The following SPATA7 variants were observed in gnomAD, a reference collection of about 807,000 sequenced individuals.
SPATA7 encodes the protein spermatogenesis associated 7, also known as spermatogenesis-associated protein 7.
A neutral mutation model predicts 51.8 loss-of-function variants in SPATA7; 43 were observed. That is an observed-to-expected ratio of 0.83 (90% confidence interval 0.65 to 1.07). SPATA7 has a LOEUF of 1.07. Among genes scored for constraint, SPATA7 ranks in the 50% least tolerant of loss-of-function variants. SPATA7 has a pLI of 0.00. For missense variants in SPATA7, 683 were observed against 701.3 expected, an observed-to-expected ratio of 0.97 and a Z score of 0.30; for synonymous variants, 230 against 252.8, an observed-to-expected ratio of 0.91 and a Z score of 0.86.
downstream of SPATA7, among the ~76,000 whole-genome samples, chr14:88,455,800 A>G (rs1461958017): frequency 2.6e-5 from 4 of 152,026 alleles, no homozygotes; most frequent in Non-Finnish European, 5.9e-5. Context: ...ATATGTATAC[A>G]CGTGCCGTGT....
At chr14:88,391,594 A>G (rs1450688682) in intron 2 of SPATA7, 139 bp downstream of exon 2, 3 of 764,780 alleles carry the variant, frequency 3.9e-6, no homozygotes, top group South Asian at 1.5e-5. Flanking sequence ...TTAATGAAAT[A>G]TAGGCGTTCT....
intron 4 of SPATA7, among the ~76,000 whole-genome samples, chr14:88,405,757 C>T (rs1199060138): frequency 2.0e-5 from 3 of 152,174 alleles, no homozygotes; most frequent in East Asian, 1.9e-4. Flanking sequence ...TATTACATAG[C>T]CAGTTGGCAA....
At chr14:88,429,102 G>C (rs1233080670) in intron 7 of SPATA7, 1 of 280,360 alleles carries the variant, frequency 3.6e-6, no homozygotes, top group Admixed American at 4.7e-5. Flanking sequence ...ATGTTTATTT[G>C]TGGCAATTTC....
At chr14:88,416,227 A>G in intron 4 of SPATA7, 1 of 158,350 alleles carries the variant, frequency 6.3e-6, no homozygotes, top group East Asian at 1.9e-4. Context: ...AAATTCCTTT[A>G]GCGTTTGCTT....
At position 88,469,509 on chromosome 14, in the gene SPATA7, C is replaced by T. The variant is rs1266469537; in HGVS notation, c.255-338C>T. The T allele has an allele frequency of 3.1e-6, 5 of 1,613,000 alleles. No individual in the cohort carries two copies. Among genetic ancestry groups the T allele is most frequent in the Non-Finnish European group, 4.2e-6 (5 of 1,178,980 alleles). On this transcript the variant is annotated intron_variant, in intron 4 of 4. Coordinates refer to the SPATA7 transcript ENST00000556406. This position sits in a 1 kb window ranked among gnomAD's most constrained non-coding sequence, Gnocchi z 4.3. Reference sequence around the variant, plus strand: ...GTTAAAGTCACTCACATAAAAATCCCTTGAGGTCTTCTGGACAGCCATGTT... The same window carrying T: ...GTTAAAGTCACTCACATAAAAATCCTTTGAGGTCTTCTGGACAGCCATGTT...
intron 4 of SPATA7, chr14:88,468,996 C>T: frequency 6.2e-7 from 1 of 1,614,166 alleles, no homozygotes; most frequent in East Asian, 2.2e-5. Context: ...CTGCAGTGGA[C>T]CAACAACGGA....
At chr14:88,424,955 A>G (rs143966512) in intron 5 of SPATA7, among the ~76,000 whole-genome samples, 1 of 152,300 alleles carries the variant, frequency 6.6e-6, no homozygotes, top group African/African-American at 2.4e-5. Flanking sequence ...GTTCCCAGAA[A>G]AAGAGTTAAA....
At position 88,401,312 on chromosome 14, in the gene SPATA7, ACT is replaced by A. The variant is rs776389243; in HGVS notation, c.238+5115_238+5116del. Among the ~76,000 whole-genome samples, 5 of 152,300 alleles carry A rather than the reference ACT, an allele frequency of 3.3e-5. No homozygotes were observed. In the East Asian group the frequency reaches 5.8e-4, roughly 18 times the overall value. On this transcript the variant is annotated intron_variant, in intron 4 of 11. Transcript: ENST00000393545. ...AAAATTCAGCATCCATTCATGATAA[ACT>A]CTCTCAACAAAATAGGAATAGAAGG... is the stretch of plus-strand genomic sequence containing the variant.
chr14:88,430,351 T>G (rs1054860920), intron 8 of SPATA7, among the ~76,000 whole-genome samples: 2 of 152,162 alleles, frequency 1.3e-5, no homozygotes, highest in African/African-American at 4.8e-5. Flanking sequence ...ATATAACTTA[T>G]TATTTATTAA....
chr14:88,420,841 T>C (rs545376591), intron 5 of SPATA7, among the ~76,000 whole-genome samples: 13 of 152,162 alleles, frequency 8.5e-5, no homozygotes, highest in African/African-American at 3.1e-4. Flanking sequence ...ACAGGCTGGG[T>C]GTGGTGGCCC....
At chr14:88,391,958 G>A (rs995082668) in intron 2 of SPATA7, among the ~76,000 whole-genome samples, 4 of 152,034 alleles carry the variant, frequency 2.6e-5, no homozygotes, top group African/African-American at 9.7e-5. Context: ...ATAAATTTTT[G>A]TAATTATACC....
At chr14:88,406,996 T>C (rs2076217514) in intron 4 of SPATA7, among the ~76,000 whole-genome samples, 1 of 152,234 alleles carries the variant, frequency 6.6e-6, no homozygotes, top group Admixed American at 6.5e-5. Flanking sequence ...ATTTTCTTTA[T>C]CCAGAAAGAA....
chr14:88,470,319 C>A, exon 5 of SPATA7: 1 of 436,392 alleles, frequency 2.3e-6, no homozygotes, highest in East Asian at 4.7e-5. Flanking sequence ...TGTCAGTTCT[C>A]ATTTATACAA....
downstream of SPATA7, among the ~76,000 whole-genome samples, chr14:88,458,253 G>T (rs2077297195): frequency 6.6e-6 from 1 of 152,164 alleles, no homozygotes; most frequent in Non-Finnish European, 1.5e-5. Flanking sequence ...AAATGAGTTA[G>T]GGAGGATTCC....
chr14:88,441,796 G>T (rs913149754), downstream of SPATA7, among the ~76,000 whole-genome samples: 3 of 152,118 alleles, frequency 2.0e-5, no homozygotes, highest in Admixed American at 1.3e-4. Flanking sequence ...TCTGTGGGTT[G>T]TCTGTTTACT....
At chr14:88,393,328 G>A in intron 2 of SPATA7, 65 bp from the exon 3 acceptor site, 1 of 1,071,890 alleles carries the variant, frequency 9.3e-7, no homozygotes, top group Non-Finnish European at 1.4e-6. Flanking sequence ...AATAATCAGT[G>A]CCTTGTTTAT....
At chr14:88,413,390 T>C (rs2076393039) in intron 4 of SPATA7, among the ~76,000 whole-genome samples, 1 of 152,222 alleles carries the variant, frequency 6.6e-6, no homozygotes, top group South Asian at 2.1e-4. Context: ...TTTTTGCACA[T>C]TGATTTTGTG....
At chr14:88,395,653 C>G (rs73321819) in intron 3 of SPATA7, among the ~76,000 whole-genome samples, 5,160 of 151,982 alleles carry the variant, frequency 0.034, 297 homozygotes, top group African/African-American at 0.12. Flanking sequence ...ATCCAAATTT[C>G]CCAGTACCAT....
chr14:88,427,750 C>T (rs1321340208), intron 7 of SPATA7, 54 bp downstream of exon 7: 4 of 1,267,744 alleles, frequency 3.2e-6, no homozygotes, highest in African/African-American at 2.9e-5. Context: ...AGATGTTTTT[C>T]AGTAAATAGA....
Sources: gnomAD v4.1 joint callset for allele counts (sites outside exome capture counted in the v4.1 genomes callset) on GRCh38, gnomAD v4.1.1 for gene constraint, Gnocchi (gnomAD v3.1) non-coding constraint, MANE v1.5 for transcripts, NCBI Gene and HGNC (gene_info 2026-07-23, HGNC 2026-07-21) for gene names.